SORL1: variants seen among roughly 807,000 people sequenced by gnomAD.
The protein encoded by SORL1 is sortilin-related receptor.
In SORL1, 127 loss-of-function variants were observed where a neutral mutation model predicts 273.7. The observed-to-expected ratio is 0.46, with a 90% CI of 0.40 to 0.54. The LOEUF (loss-of-function observed/expected upper bound fraction) is 0.54, where lower values mean the gene tolerates loss of function less well. Ranked by LOEUF, SORL1 falls within the 20% of genes least tolerant of loss-of-function variation. The pLI is 0.00. For missense variants in SORL1, 2,494 were observed against 2,846.1 expected (o/e 0.88, Z 2.81); for synonymous variants, 1,031 against 1,067.4 (o/e 0.97, Z 0.66).
chr11:121,589,206 G>A (rs1863169526), intron 28 of SORL1, 53 bp from the exon 29 acceptor site: 4 of 1,604,262 alleles, frequency 2.5e-6, no homozygotes, highest in East Asian at 2.2e-5. Context: ...CTGCTGCTTC[G>A]ACCCCTCAGC....
intron 12 of SORL1, among the ~76,000 whole-genome samples, chr11:121,541,992 G>A (rs772060652): frequency 5.3e-5 from 8 of 152,054 alleles, no homozygotes; most frequent in South Asian, 2.1e-4. Context: ...ACCGTATAAC[G>A]AACACCCATG....
chr11:121,581,762 G>A (rs1863018792), intron 25 of SORL1, among the ~76,000 whole-genome samples: 1 of 152,300 alleles, frequency 6.6e-6, no homozygotes, highest in African/African-American at 2.4e-5. Flanking sequence ...TTGTCATTTG[G>A]AAACTTCACT....
chr11:121,607,172 T>C lies in SORL1; in HGVS notation c.5062-14T>C. The C allele has an allele frequency of 6.6e-7, 1 of 1,517,214 alleles. No individual in the cohort carries two copies. Among genetic ancestry groups the C allele is most frequent in the Admixed American group, 1.7e-5 (1 of 59,828 alleles). The allele number at this position is 1,517,214 out of a possible 1,614,324, so 94.0% of individuals were successfully genotyped here. On this transcript the variant is annotated splice_polypyrimidine_tract_variant and intron_variant, in intron 36 of 47. Coordinates refer to ENST00000260197, the MANE Select transcript of SORL1 (RefSeq NM_003105.6). ...TGGTTCCCTTTACTCACATTTTTTT[T>C]CTTCTCCCTTTAGGTAGAATACAGC...
chr11:121,551,480 A>G (rs1284687613), intron 16 of SORL1, among the ~76,000 whole-genome samples: 3 of 152,222 alleles, frequency 2.0e-5, no homozygotes, highest in Non-Finnish European at 4.4e-5. Context: ...TGAAATTATG[A>G]TACTTTGAAA....
chr11:121,568,905 A>G (rs1459980491), intron 22 of SORL1, among the ~76,000 whole-genome samples: 2 of 152,182 alleles, frequency 1.3e-5, no homozygotes, highest in Admixed American at 6.5e-5. Context: ...TTCCCTGTAG[A>G]CACGTGTGCT....
chr11:121,517,317 A>G (rs1472938507), intron 8 of SORL1, among the ~76,000 whole-genome samples: 1 of 152,166 alleles, frequency 6.6e-6, no homozygotes, highest in Non-Finnish European at 1.5e-5. Context: ...GATGTTTCAT[A>G]TAAATGGAAT....
Position 121,452,536 on chromosome 11 carries a change from G to A in SORL1, c.205G>A (p.Ala69Thr), listed in dbSNP as rs574929049. 73 of 1,489,096 alleles carry A rather than the reference G, an allele frequency of 4.9e-5. No individual in the cohort carries two copies. In the South Asian group the frequency reaches 7.9e-4, roughly 16 times the overall value. 92.2% of individuals were successfully genotyped at this position (1,489,096 alleles called of 1,614,324 possible). The change falls in exon 1 of 48, where the codon GCG becomes ACG. Residue 69 changes from alanine to threonine, a missense_variant. Physicochemically the swap from Ala to Thr is moderately conservative, Grantham distance 58. Transcript: ENST00000260197. This position sits in a 1 kb window ranked among gnomAD's most constrained non-coding sequence, Gnocchi z 5.3. ...RLWARGDARG[A>T]SRADEKPLRR... ...GTGGGCGCGCGGGGATGCCAGGGGGGCGAGCCGCGCGGACGAGAAGCCGCT... is the reference window on the plus strand; with the variant it reads ...GTGGGCGCGCGGGGATGCCAGGGGGACGAGCCGCGCGGACGAGAAGCCGCT...
intron 47 of SORL1, among the ~76,000 whole-genome samples, chr11:121,628,319 GA>G (rs1002032240): frequency 3.9e-5 from 6 of 152,182 alleles, no homozygotes; most frequent in Admixed American, 6.5e-5. Flanking sequence ...GGTGGAGGGG[GA>G]AGGGTTGGGG....
intron 8 of SORL1, among the ~76,000 whole-genome samples, chr11:121,519,450 C>T (rs1565322582): frequency 6.6e-6 from 1 of 151,500 alleles, no homozygotes; most frequent in African/African-American, 2.4e-5. Context: ...CTCTGTCGCC[C>T]AGGCTGGTTG....
At chr11:121,460,428 G>T (rs1049421763) in intron 1 of SORL1, among the ~76,000 whole-genome samples, 1 of 128,768 alleles carries the variant, frequency 7.8e-6, no homozygotes, top group Non-Finnish European at 1.6e-5. Flanking sequence ...ACAGAGTCTC[G>T]CTCCGTCACC....
intron 25 of SORL1, among the ~76,000 whole-genome samples, chr11:121,578,982 T>A (rs916092590): frequency 1.3e-5 from 2 of 152,208 alleles, no homozygotes; most frequent in Non-Finnish European, 2.9e-5. Context: ...GATGGATACT[T>A]AGTTAATAGA....
At chr11:121,590,782 G>A (rs1414090118) in intron 30 of SORL1, 2 of 755,724 alleles carry the variant, frequency 2.6e-6, no homozygotes, top group Non-Finnish European at 4.8e-6. Flanking sequence ...AATATAGTAA[G>A]GGAAATCTAC....
chr11:121,610,659 C>T (rs1863549293), intron 38 of SORL1: 1 of 156,730 alleles, frequency 6.4e-6, no homozygotes, highest in Admixed American at 6.4e-5. Flanking sequence ...TTGCCACACG[C>T]ACGTTTACCA....
chr11:121,560,757 A>G (rs536232186), intron 21 of SORL1, among the ~76,000 whole-genome samples: 1 of 152,218 alleles, frequency 6.6e-6, no homozygotes, highest in Admixed American at 6.5e-5. Context: ...TACAAATGTA[A>G]GACGATATTA....
intron 1 of SORL1, among the ~76,000 whole-genome samples, chr11:121,467,239 C>CAGGAT (rs1176030348): frequency 4.6e-5 from 7 of 152,060 alleles, no homozygotes; most frequent in Non-Finnish European, 8.8e-5. Flanking sequence ...CCGTGTTAGC[C>CAGGAT]AGGATGGGAG....
chr11:121,575,483 G>C (rs1862914457), intron 24 of SORL1, among the ~76,000 whole-genome samples: 1 of 152,258 alleles, frequency 6.6e-6, no homozygotes, highest in African/African-American at 2.4e-5. Flanking sequence ...GTCCAGCCAC[G>C]CTGTGCTTAC....
intron 3 of SORL1, among the ~76,000 whole-genome samples, chr11:121,486,542 C>T (rs962419346): frequency 6.0e-5 from 9 of 150,454 alleles, no homozygotes; most frequent in East Asian, 2.0e-4. Flanking sequence ...TGTAGTGGCA[C>T]GCTCTTGGCT....
chr11:121,523,056 G>A (rs1177477224), intron 11 of SORL1, 67 bp downstream of exon 11: 5 of 1,090,328 alleles, frequency 4.6e-6, no homozygotes, highest in South Asian at 1.2e-5. Flanking sequence ...TGTAGACTGT[G>A]CCTTGGCATT....
At chr11:121,549,701 T>A (rs528158380) in intron 14 of SORL1, among the ~76,000 whole-genome samples, 3 of 150,954 alleles carry the variant, frequency 2.0e-5, no homozygotes, top group Non-Finnish European at 4.4e-5. Flanking sequence ...TAAAATTTAA[T>A]ACTGTTTTGA....
Sources: gnomAD v4.1 joint callset for allele counts (sites outside exome capture counted in the v4.1 genomes callset) on GRCh38, gnomAD v4.1.1 for gene constraint, Gnocchi (gnomAD v3.1) non-coding constraint, MANE v1.5 for transcripts, NCBI Gene and HGNC (gene_info 2026-07-23, HGNC 2026-07-21) for gene names.